HDAC4: variants seen among roughly 807,000 people sequenced by gnomAD.
HDAC4 encodes histone deacetylase 4, also known as histone deacetylase A.
In HDAC4, 16 loss-of-function variants were observed where a neutral mutation model predicts 135.1. The ratio of observed to expected loss-of-function variants is 0.12; its 90% CI spans 0.08 to 0.18. The LOEUF (loss-of-function observed/expected upper bound fraction) is 0.18, where lower values mean the gene tolerates loss of function less well. Ranked by LOEUF, HDAC4 falls within the 10% of genes least tolerant of loss-of-function variation. The pLI is 1.00. For missense variants in HDAC4, 1,143 were observed against 1,511.8 expected (o/e 0.76, Z 4.05); for synonymous variants, 685 against 653.4 (o/e 1.05, Z -0.74).
chr2:239,104,621 G>T (rs749397867), intron 15 of HDAC4, among the ~76,000 whole-genome samples: 2 of 152,198 alleles, frequency 1.3e-5, no homozygotes, highest in Non-Finnish European at 2.9e-5. Flanking sequence ...CTGGACAGAC[G>T]GGCCTAGGCA....
intron 11 of HDAC4, among the ~76,000 whole-genome samples, chr2:239,128,532 A>AT (rs1409098382): frequency 6.6e-6 from 1 of 151,788 alleles, no homozygotes; most frequent in Non-Finnish European, 1.5e-5. Flanking sequence ...GTCTCAAAAA[A>AT]AAAATAAAAA....
At chr2:239,311,905 T>C (rs1410106887) in intron 2 of HDAC4, among the ~76,000 whole-genome samples, 2 of 152,104 alleles carry the variant, frequency 1.3e-5, no homozygotes, top group East Asian at 1.9e-4. Flanking sequence ...AGCAATCTCC[T>C]GTGAAAGGAA....
chr2:239,115,427 A>C lies in HDAC4; in HGVS notation c.1534-117T>G. The C allele has an allele frequency of 7.8e-7, 1 of 1,274,792 alleles. No individual in the cohort carries two copies. 79.0% of individuals were successfully genotyped at this position (1,274,792 alleles called of 1,614,324 possible). A position where few individuals can be genotyped will look rare whatever the true frequency, so the allele number is the denominator to read the frequency against. On this transcript the variant is annotated intron_variant, in intron 12 of 26. Coordinates refer to ENST00000543185, the MANE Select transcript of HDAC4 (RefSeq NM_001378414.1). The surrounding 1 kb of genome is among the most constrained non-coding windows in gnomAD (Gnocchi z 6.3). ...GGGCAGACAATCAGGGACTCAGGGC[A>C]CCTTATCACCCTGCCACAGGCCAGC...
chr2:239,176,647 C>A, intron 4 of HDAC4, 84 bp from the exon 5 acceptor site: 1 of 1,300,948 alleles, frequency 7.7e-7, no homozygotes, highest in Non-Finnish European at 1.1e-6. Context: ...AGAAACCAGC[C>A]CAGGCCCTAC....
intron 3 of HDAC4, among the ~76,000 whole-genome samples, chr2:239,213,664 A>G (rs1187492797): frequency 6.6e-6 from 1 of 152,256 alleles, no homozygotes; most frequent in African/African-American, 2.4e-5. Flanking sequence ...TGGAAAACCC[A>G]GCATCAGGGT....
rs550915547 is a variant in HDAC4, at chr2:239,068,762, C to T, written c.2751-155G>A. Reference sequence around the variant, plus strand: ...CTCCACACAGCAGGCTGGAATCTGGCGACCACGCTTAATTAGAAGGGAATC... The same window carrying T: ...CTCCACACAGCAGGCTGGAATCTGGTGACCACGCTTAATTAGAAGGGAATC... On this transcript the variant is annotated intron_variant, in intron 22 of 26. Transcript: ENST00000543185. This position sits in a 1 kb window ranked among gnomAD's most constrained non-coding sequence, Gnocchi z 4.4. 1.4e-5 allele frequency: 10 copies of T among 720,810 alleles called. No homozygotes were observed. Among genetic ancestry groups the T allele is most frequent in the South Asian group, 7.2e-5 (5 of 69,314 alleles). The allele number at this position is 720,810 out of a possible 1,614,324, so 44.7% of individuals were successfully genotyped here.
chr2:239,113,543 G>A (rs2152804891), intron 13 of HDAC4, among the ~76,000 whole-genome samples: 1 of 152,366 alleles, frequency 6.6e-6, no homozygotes, highest in African/African-American at 2.4e-5. Flanking sequence ...ACTCTCCAGA[G>A]AGAACAGAAA....
intron 16 of HDAC4, among the ~76,000 whole-genome samples, chr2:239,101,650 G>T (rs2037645129): frequency 6.6e-6 from 1 of 152,178 alleles, no homozygotes; most frequent in South Asian, 2.1e-4. Flanking sequence ...GAAAACCAGT[G>T]GGCAGTGACT....
intron 22 of HDAC4, among the ~76,000 whole-genome samples, chr2:239,076,534 G>A (rs994583247): frequency 2.0e-5 from 3 of 151,676 alleles, no homozygotes; most frequent in East Asian, 1.9e-4. Context: ...CACACCTTCC[G>A]TCAACACAAG....
At chr2:239,214,954 G>A (rs545908069) in intron 3 of HDAC4, among the ~76,000 whole-genome samples, 162 of 152,306 alleles carry the variant, frequency 1.1e-3, no homozygotes, top group Middle Eastern at 3.4e-3. Flanking sequence ...AAGATCAGGA[G>A]CCTGCTTTCA....
At chr2:239,367,101 C>T (rs1046399175) in intron 1 of HDAC4, among the ~76,000 whole-genome samples, 1 of 152,178 alleles carries the variant, frequency 6.6e-6, no homozygotes, top group Non-Finnish European at 1.5e-5. Flanking sequence ...CACACAGAAA[C>T]CCGTTTCTAA....
chr2:239,173,622 T>G (rs1259423776), intron 5 of HDAC4, among the ~76,000 whole-genome samples: 1 of 152,180 alleles, frequency 6.6e-6, no homozygotes, highest in Non-Finnish European at 1.5e-5. Context: ...GTTCCTGCCA[T>G]CAGGACCACA....
chr2:239,239,836 C>A (rs1356177889), intron 2 of HDAC4, among the ~76,000 whole-genome samples: 1 of 152,228 alleles, frequency 6.6e-6, no homozygotes, highest in Non-Finnish European at 1.5e-5. Flanking sequence ...CGGAACAGGG[C>A]AGCCATGTGG....
chr2:239,092,507 C>T (rs568532013), intron 17 of HDAC4, among the ~76,000 whole-genome samples: 2 of 152,338 alleles, frequency 1.3e-5, no homozygotes, highest in East Asian at 1.9e-4. Flanking sequence ...GGATTCTGCA[C>T]ACCTGGGGTG....
rs1012677178 is a variant in HDAC4, at chr2:239,115,031, T to C, written c.1791+22A>G. 11 of 1,606,704 alleles carry C rather than the reference T, an allele frequency of 6.8e-6. No homozygotes were observed. The African/African-American group carries it at 1.5e-4, about 21-fold the overall frequency. On this transcript the variant is annotated intron_variant, in intron 13 of 26. Coordinates refer to ENST00000543185, the MANE Select transcript of HDAC4 (RefSeq NM_001378414.1). The surrounding 1 kb of genome is among the most constrained non-coding windows in gnomAD (Gnocchi z 6.3). ...GTGGCTGTGCGTGCCAGCCTTCTGGTGCCCTCCCCGCCTGCGGTCACCTGT... is the reference window on the plus strand; with the variant it reads ...GTGGCTGTGCGTGCCAGCCTTCTGGCGCCCTCCCCGCCTGCGGTCACCTGT...
chr2:239,166,931 G>A (rs1025365524), intron 5 of HDAC4, among the ~76,000 whole-genome samples: 4 of 152,112 alleles, frequency 2.6e-5, no homozygotes, highest in South Asian at 2.1e-4. Context: ...GCCTTTACAC[G>A]GATAACATTT....
intron 3 of HDAC4, among the ~76,000 whole-genome samples, chr2:239,214,994 G>C (rs1177064591): frequency 6.6e-6 from 1 of 152,226 alleles, no homozygotes; most frequent in African/African-American, 2.4e-5. Flanking sequence ...CGCCCAGCTG[G>C]GGATCGACGG....
intron 9 of HDAC4, among the ~76,000 whole-genome samples, chr2:239,136,776 G>C (rs2152890944): frequency 6.6e-6 from 1 of 152,322 alleles, no homozygotes; most frequent in Admixed American, 6.5e-5. Context: ...ATTGGGGATA[G>C]GAAGAAACGC....
intron 4 of HDAC4, among the ~76,000 whole-genome samples, chr2:239,179,836 C>T (rs1410388506): frequency 6.6e-6 from 1 of 152,260 alleles, no homozygotes; most frequent in Non-Finnish European, 1.5e-5. Context: ...GGAGGCGGCA[C>T]AAGCCTTCTG....
Sources: gnomAD v4.1 joint callset for allele counts (sites outside exome capture counted in the v4.1 genomes callset) on GRCh38, gnomAD v4.1.1 for gene constraint, Gnocchi (gnomAD v3.1) non-coding constraint, MANE v1.5 for transcripts, NCBI Gene and HGNC (gene_info 2026-07-23, HGNC 2026-07-21) for gene names.